IGF2BP2: variants seen among roughly 807,000 people sequenced by gnomAD.
IGF2BP2 encodes insulin-like growth factor 2 mRNA-binding protein 2.
In IGF2BP2, 17 loss-of-function variants were observed where a neutral mutation model predicts 75.8. The observed-to-expected ratio is 0.22, with a 90% confidence interval of 0.15 to 0.34. The LOEUF is 0.34. Ranked by LOEUF, IGF2BP2 falls within the 10% of genes least tolerant of loss-of-function variation. The pLI, the probability that IGF2BP2 is intolerant of heterozygous loss-of-function variation, is 1.00. For missense variants in IGF2BP2, 516 were observed against 772.4 expected (o/e 0.67, Z 3.93); for synonymous variants, 288 against 295.6 (o/e 0.97, Z 0.26).
intron 2 of IGF2BP2, among the ~76,000 whole-genome samples, chr3:185,753,925 C>A (rs550565910): frequency 1.3e-5 from 2 of 152,024 alleles, no homozygotes; most frequent in Non-Finnish European, 2.9e-5. Context: ...AGTCTGATGC[C>A]AGGTGCAGTG....
At chr3:185,680,610 A>T (rs1720228114) in intron 7 of IGF2BP2, among the ~76,000 whole-genome samples, 2 of 152,198 alleles carry the variant, frequency 1.3e-5, no homozygotes, top group South Asian at 4.1e-4. Context: ...GCCACGACCA[A>T]GTGGGATTTG....
chr3:185,652,118 G>A lies in IGF2BP2; in HGVS notation c.1437C>T (p.Thr479=), dbSNP rs145090990. ...CCTTGAACTGGGCTTCCGGTGGCCC[G>A]GTGATGATGACCATCCTTTCGCTGA... is the stretch of plus-strand genomic sequence containing the variant. ...PDVSERMVII[T]GPPEAQFKAQ... is the part of the protein sequence containing the mutation. The change falls in exon 13 of 16, where the codon ACC becomes ACT. Residue 479 remains threonine, a synonymous_variant. Coordinates refer to ENST00000382199, the MANE Select transcript of IGF2BP2 (RefSeq NM_006548.6). 19 of 1,612,740 alleles carry A rather than the reference G, an allele frequency of 1.2e-5. 1 individual carries two copies. In the South Asian group the frequency reaches 1.2e-4, roughly 10 times the overall value.
intron 9 of IGF2BP2, among the ~76,000 whole-genome samples, chr3:185,673,466 TTTACTA>T (rs1161728807): frequency 2.3e-4 from 35 of 152,362 alleles, no homozygotes; most frequent in African/African-American, 7.7e-4. Flanking sequence ...ACTTTGTCTC[TTTACTA>T]TTTAGTTGTC....
Position 185,672,775 on chromosome 3 carries a change from C to A in IGF2BP2, c.1072-106G>T, listed in dbSNP as rs1349598874. 4.8e-6 allele frequency: 6 copies of A among 1,242,052 alleles called. No homozygotes were observed. The East Asian group carries it at 1.5e-4, about 31-fold the overall frequency. The allele number at this position is 1,242,052 out of a possible 1,614,324, so 76.9% of individuals were successfully genotyped here. A position where few individuals can be genotyped will look rare whatever the true frequency, so the allele number is the denominator to read the frequency against. On this transcript the variant is annotated intron_variant, in intron 9 of 15. Transcript: ENST00000382199. ...CTTAATGGCACCAGCGTCTCCTAAT[C>A]AGCTCTGCCCAGGCTCTTCCTACCC...
chr3:185,771,495 A>T (rs1312550835), intron 2 of IGF2BP2, among the ~76,000 whole-genome samples: 1 of 151,978 alleles, frequency 6.6e-6, no homozygotes, highest in Non-Finnish European at 1.5e-5. Context: ...TTTTACAATT[A>T]AAATATGTTT....
At chr3:185,698,695 C>A (rs1722906962) in intron 2 of IGF2BP2, among the ~76,000 whole-genome samples, 1 of 152,070 alleles carries the variant, frequency 6.6e-6, no homozygotes, top group Non-Finnish European at 1.5e-5. Context: ...GTGGCACGAT[C>A]TTGGCTCACT....
chr3:185,658,775 G>A (rs149686271), intron 10 of IGF2BP2, among the ~76,000 whole-genome samples: 371 of 152,316 alleles, frequency 2.4e-3, no homozygotes, highest in Middle Eastern at 0.01. Context: ...GTGGAGAGGC[G>A]GGGCCAGTGC....
chr3:185,751,619 T>C (rs532607009), intron 2 of IGF2BP2, among the ~76,000 whole-genome samples: 121 of 151,680 alleles, frequency 8.0e-4, no homozygotes, highest in African/African-American at 2.7e-3. Flanking sequence ...CACTCCAGCC[T>C]GAGCAACAAG....
At chr3:185,803,748 C>T (rs1443044357) in intron 2 of IGF2BP2, among the ~76,000 whole-genome samples, 1 of 152,222 alleles carries the variant, frequency 6.6e-6, no homozygotes, top group African/African-American at 2.4e-5. Context: ...TGAAATTAAT[C>T]TTTCCTTTAA....
intron 5 of IGF2BP2, 85 bp downstream of exon 5, chr3:185,692,614 G>C: frequency 8.1e-7 from 1 of 1,235,714 alleles, no homozygotes; most frequent in Non-Finnish European, 1.2e-6. Flanking sequence ...CATCTTTTTA[G>C]AAAACATTTA....
intron 2 of IGF2BP2, among the ~76,000 whole-genome samples, chr3:185,739,317 C>T (rs1178360210): frequency 6.6e-6 from 1 of 152,134 alleles, no homozygotes; most frequent in Non-Finnish European, 1.5e-5. Context: ...GGCATTTAAA[C>T]AGAATTGGCA....
At chr3:185,785,100 A>G (rs899419598) in intron 2 of IGF2BP2, among the ~76,000 whole-genome samples, 8 of 152,146 alleles carry the variant, frequency 5.3e-5, no homozygotes, top group Non-Finnish European at 1.2e-4. Context: ...CAGGAGTTCC[A>G]GACCAGCCTG....
chr3:185,714,206 AT>A (rs922161700), intron 2 of IGF2BP2, among the ~76,000 whole-genome samples: 1 of 151,176 alleles, frequency 6.6e-6, no homozygotes, highest in Non-Finnish European at 1.5e-5. Flanking sequence ...CTGTATATGC[AT>A]TTTTTCACTT....
chr3:185,765,698 C>G (rs1732944757), intron 2 of IGF2BP2, among the ~76,000 whole-genome samples: 1 of 152,258 alleles, frequency 6.6e-6, no homozygotes, highest in Admixed American at 6.5e-5. Context: ...ACCACTGCAG[C>G]AGCTTCACCC....
chr3:185,701,178 C>G (rs1237573927), intron 2 of IGF2BP2, among the ~76,000 whole-genome samples: 1 of 151,930 alleles, frequency 6.6e-6, no homozygotes, highest in African/African-American at 2.4e-5. Context: ...GATCCTCCCA[C>G]GTTGGCCTCC....
intron 2 of IGF2BP2, among the ~76,000 whole-genome samples, chr3:185,806,638 C>A (rs2149982124): frequency 6.6e-6 from 1 of 152,286 alleles, no homozygotes; most frequent in Non-Finnish European, 1.5e-5. Flanking sequence ...CAATGTAGGA[C>A]ATTCTATAGG....
At chr3:185,697,246 C>T (rs751108388) in intron 3 of IGF2BP2, among the ~76,000 whole-genome samples, 2 of 152,148 alleles carry the variant, frequency 1.3e-5, no homozygotes, top group Non-Finnish European at 2.9e-5. Flanking sequence ...GCTGGGACTA[C>T]AGATGCCTGT....
At chr3:185,709,084 ACAT>A (rs1002429792) in intron 2 of IGF2BP2, among the ~76,000 whole-genome samples, 6 of 152,232 alleles carry the variant, frequency 3.9e-5, no homozygotes, top group African/African-American at 1.4e-4. Context: ...AAATATTTAC[ACAT>A]CATCATTTGA....
intron 2 of IGF2BP2, among the ~76,000 whole-genome samples, chr3:185,710,767 G>C (rs1041228454): frequency 6.6e-6 from 1 of 151,820 alleles, no homozygotes; most frequent in South Asian, 2.1e-4. Context: ...AAAAAACCTC[G>C]AGTGATTCTG....
Sources: gnomAD v4.1 joint callset for allele counts (sites outside exome capture counted in the v4.1 genomes callset) on GRCh38, gnomAD v4.1.1 for gene constraint, MANE v1.5 for transcripts, NCBI Gene and HGNC (gene_info 2026-07-23, HGNC 2026-07-21) for gene names.